The following HECW1 variants were observed in gnomAD, a reference collection of about 807,000 sequenced individuals.
HECW1 encodes HECT, C2 and WW domain containing E3 ubiquitin protein ligase 1, also known as E3 ubiquitin-protein ligase HECW1.
HECW1 carries 61 observed loss-of-function variants against 182.3 expected under a neutral mutation model. The observed-to-expected ratio is 0.33, with a 90% CI of 0.27 to 0.41. The LOEUF (loss-of-function observed/expected upper bound fraction) is 0.41, where lower values mean the gene tolerates loss of function less well. Ranked by LOEUF, HECW1 falls within the 10% of genes least tolerant of loss-of-function variation. HECW1 has a pLI of 1.00. For synonymous variants in HECW1, 859 were observed against 832.6 expected, an observed-to-expected ratio of 1.03 and a Z score of -0.55; for missense variants, 1,739 against 2,108.9, an observed-to-expected ratio of 0.82 and a Z score of 3.44.
At chr7:43,398,502 G>T (rs2075304320) in intron 7 of HECW1, among the ~76,000 whole-genome samples, 1 of 152,100 alleles carries the variant, frequency 6.6e-6, no homozygotes, top group Non-Finnish European at 1.5e-5. Context: ...TGAAGTACAT[G>T]TGCCTCCTTG....
intron 21 of HECW1, among the ~76,000 whole-genome samples, chr7:43,503,377 C>T (rs146493439): frequency 2.4e-4 from 36 of 152,244 alleles, no homozygotes; most frequent in African/African-American, 8.2e-4. Context: ...AGAGATTGTC[C>T]CAGCCTGATA....
intron 3 of HECW1, among the ~76,000 whole-genome samples, chr7:43,301,477 C>T (rs188401305): frequency 5.3e-5 from 8 of 152,310 alleles, no homozygotes; most frequent in Admixed American, 5.2e-4. Flanking sequence ...CTCTCCGAGG[C>T]TATGAGCACT....
intron 2 of HECW1, among the ~76,000 whole-genome samples, chr7:43,125,757 TAAAAAAAAAA>T (rs57874835): frequency 6.9e-5 from 6 of 86,540 alleles, no homozygotes; most frequent in Non-Finnish European, 1.1e-4. Context: ...GATTCTGTCT[TAAAAAAAAAA>T]AAAAAAAAAA....
chr7:43,174,342 A>C (rs1197296297), intron 2 of HECW1, among the ~76,000 whole-genome samples: 2 of 152,206 alleles, frequency 1.3e-5, no homozygotes, highest in Non-Finnish European at 2.9e-5. Flanking sequence ...TGGGTCATAC[A>C]TAGTGGGTCT....
chr7:43,125,757 TAAAAAAAAA>T (rs57874835), intron 2 of HECW1, among the ~76,000 whole-genome samples: 4 of 86,540 alleles, frequency 4.6e-5, no homozygotes, highest in Admixed American at 1.7e-4. Context: ...GATTCTGTCT[TAAAAAAAAA>T]AAAAAAAAAA....
chr7:43,226,104 T>C (rs893340085), intron 2 of HECW1, among the ~76,000 whole-genome samples: 2 of 152,220 alleles, frequency 1.3e-5, no homozygotes, highest in Non-Finnish European at 2.9e-5. Context: ...TTGCATCTTA[T>C]TATTTTTAGA....
intron 2 of HECW1, among the ~76,000 whole-genome samples, chr7:43,234,666 A>G (rs892130494): frequency 6.6e-6 from 1 of 151,874 alleles, no homozygotes; most frequent in African/African-American, 2.4e-5. Context: ...TTCATTTCTC[A>G]TTTGTTATTT....
intron 3 of HECW1, among the ~76,000 whole-genome samples, chr7:43,247,676 GGAGGGAGGGAGGGAGGAAGGAAGGGGA>G (rs1799510883): frequency 7.0e-6 from 1 of 142,902 alleles, no homozygotes; most frequent in Admixed American, 7.0e-5. Flanking sequence ...AAGGGGAGAG[GGAGGGAGGGAGGGAGGAAGGAAGGGGA>G]GAGGGAGGGA....
chr7:43,366,281 T>C (rs1055141862), intron 6 of HECW1, among the ~76,000 whole-genome samples: 18 of 152,226 alleles, frequency 1.2e-4, no homozygotes, highest in African/African-American at 4.3e-4. Context: ...CACTCTAAAA[T>C]AGGGCCAAGA....
chr7:43,554,193 G>A (rs2081944941), intron 28 of HECW1, among the ~76,000 whole-genome samples: 1 of 152,202 alleles, frequency 6.6e-6, no homozygotes, highest in East Asian at 1.9e-4. Flanking sequence ...TGGTTGCCAA[G>A]AGCTAAGACA....
chr7:43,400,403 T>TA (rs1189150800), intron 7 of HECW1, among the ~76,000 whole-genome samples: 1 of 152,122 alleles, frequency 6.6e-6, no homozygotes, highest in Admixed American at 6.5e-5. Context: ...CCAAACTCAC[T>TA]AAAGATGGAC....
intron 23 of HECW1, 126 bp from the exon 24 acceptor site, chr7:43,508,843 A>G: frequency 2.2e-6 from 2 of 907,192 alleles, no homozygotes. Flanking sequence ...CACTCCAAAG[A>G]GCAGAGGCTG....
rs569541416 is a variant in HECW1 at position 43,333,971 on chromosome 7, T to C, written c.460+13229T>C. On this transcript the variant is annotated intron_variant, in intron 5 of 29. Coordinates refer to ENST00000395891, the MANE Select transcript of HECW1 (RefSeq NM_015052.5). ...GTTTAGCAACTCCTCCTCCCTCCAC[T>C]GGGACCAGGAAACGGATGTTAGAAA... Among the ~76,000 whole-genome samples, 10 of 152,324 alleles carry C rather than the reference T, an allele frequency of 6.6e-5. No individual in the cohort carries two copies. The East Asian group carries it at 1.9e-3, about 29-fold the overall frequency.
chr7:43,178,312 G>T (rs76404578), intron 2 of HECW1, among the ~76,000 whole-genome samples: 2 of 129,618 alleles, frequency 1.5e-5, no homozygotes, highest in African/African-American at 3.0e-5. Flanking sequence ...GGCCAGCAGG[G>T]TTCTATCTAA....
At chr7:43,398,719 G>A (rs571201031) in intron 7 of HECW1, among the ~76,000 whole-genome samples, 2 of 152,334 alleles carry the variant, frequency 1.3e-5, no homozygotes, top group South Asian at 4.1e-4. Context: ...AGTAGAGAAA[G>A]AGTAATTCAC....
chr7:43,513,369 G>C (rs1027662370), intron 24 of HECW1, among the ~76,000 whole-genome samples: 1 of 152,186 alleles, frequency 6.6e-6, no homozygotes, highest in Non-Finnish European at 1.5e-5. Context: ...ACGTGGTCCT[G>C]CAGCGGCCAC....
At chr7:43,345,402 T>A (rs1475573596) in intron 5 of HECW1, among the ~76,000 whole-genome samples, 1 of 152,220 alleles carries the variant, frequency 6.6e-6, no homozygotes, top group Non-Finnish European at 1.5e-5. Context: ...GAAATCATTC[T>A]CTTTTATGGT....
chr7:43,136,425 C>G (rs916052042), intron 2 of HECW1, among the ~76,000 whole-genome samples: 2 of 152,188 alleles, frequency 1.3e-5, no homozygotes, highest in East Asian at 3.9e-4. Flanking sequence ...AATTCCAGCC[C>G]CAGGGCTGAG....
At chr7:43,167,778 G>A (rs1486318790) in intron 2 of HECW1, among the ~76,000 whole-genome samples, 1 of 152,174 alleles carries the variant, frequency 6.6e-6, no homozygotes, top group Non-Finnish European at 1.5e-5. Flanking sequence ...GCTGACAAAA[G>A]TGTTACTAGG....
Sources: gnomAD v4.1 joint callset for allele counts (sites outside exome capture counted in the v4.1 genomes callset) on GRCh38, gnomAD v4.1.1 for gene constraint, MANE v1.5 for transcripts, NCBI Gene and HGNC (gene_info 2026-07-23, HGNC 2026-07-21) for gene names.